PTPRM: variants seen among roughly 807,000 people sequenced by gnomAD.
The protein encoded by PTPRM is protein tyrosine phosphatase receptor type M.
Under a neutral mutation model 186.7 loss-of-function variants are expected in PTPRM, and 47 were observed. That is an observed-to-expected ratio of 0.25 (90% CI 0.20 to 0.32). The LOEUF (loss-of-function observed/expected upper bound fraction) is 0.32. Ranked by LOEUF, PTPRM falls within the 10% of genes least tolerant of loss-of-function variation. The probability of loss-of-function intolerance (pLI) is 1.00; values close to 1 mark genes in which losing one functional copy is unlikely to be tolerated. For synonymous variants in PTPRM, 668 were observed against 674.9 expected, an observed-to-expected ratio of 0.99 and a Z score of 0.16; for missense variants, 1,494 against 1,865.0, an observed-to-expected ratio of 0.80 and a Z score of 3.66.
intron 22 of PTPRM, among the ~76,000 whole-genome samples, chr18:8,329,411 G>A (rs144947578): frequency 4.2e-4 from 64 of 152,280 alleles, no homozygotes; most frequent in African/African-American, 1.5e-3. Context: ...TAGGAGAAAC[G>A]TCATATGTTA....
intron 1 of PTPRM, among the ~76,000 whole-genome samples, chr18:7,748,144 C>T (rs913497771): frequency 2.6e-5 from 4 of 152,226 alleles, no homozygotes; most frequent in African/African-American, 4.8e-5. Flanking sequence ...TAGACCAGAA[C>T]TGTCCAGGAG....
intron 9 of PTPRM, among the ~76,000 whole-genome samples, chr18:8,079,450 G>T (rs571073560): frequency 6.6e-6 from 1 of 152,216 alleles, no homozygotes; most frequent in Non-Finnish European, 1.5e-5. Flanking sequence ...CCTTGCTTCC[G>T]AATTTTACTT....
chr18:7,821,196 G>A (rs559937108), intron 2 of PTPRM, among the ~76,000 whole-genome samples: 1 of 152,196 alleles, frequency 6.6e-6, no homozygotes, highest in African/African-American at 2.4e-5. Context: ...TCCCATAATA[G>A]TCTACCATGG....
At chr18:8,390,703 T>C (rs974193424) in intron 31 of PTPRM, among the ~76,000 whole-genome samples, 76 of 151,556 alleles carry the variant, frequency 5.0e-4, no homozygotes, top group Non-Finnish European at 9.9e-4. Context: ...CTGAGGCGGG[T>C]GGATCACGAG....
In PTPRM at chr18:8,379,290, A is replaced by G; in HGVS notation, c.3736A>G (p.Ile1246Val). ...CCCAGACCGCTGCCTGCCCTTCCTCATCACCATCGATGGGGAGAGCAGCAA... is the reference window on the plus strand; with the variant it reads ...CCCAGACCGCTGCCTGCCCTTCCTCGTCACCATCGATGGGGAGAGCAGCAA... ...LPPDRCLPFL[I>V]TIDGESSNYI... Residue 1246 changes from isoleucine to valine, a missense_variant, in exon 28 of 33, where the codon ATC becomes GTC. By Grantham distance (29) the Ile-to-Val change is conservative. Coordinates refer to ENST00000580170, the MANE Select transcript of PTPRM (RefSeq NM_001105244.2). 1 of 1,613,996 alleles carries G rather than the reference A, an allele frequency of 6.2e-7. No individual in the cohort carries two copies. Among genetic ancestry groups the G allele is most frequent in the Non-Finnish European group, 8.5e-7 (1 of 1,179,980 alleles).
intron 11 of PTPRM, among the ~76,000 whole-genome samples, chr18:8,112,709 C>T (rs1189621092): frequency 1.3e-5 from 2 of 152,160 alleles, no homozygotes; most frequent in Non-Finnish European, 2.9e-5. Context: ...TGCCATTCTC[C>T]TGAGGTTACT....
rs1325290544 is a variant in PTPRM, at chr18:7,667,556, T to G, written c.73+99665T>G. 2.6e-5 allele frequency among the ~76,000 whole-genome samples: 4 copies of G among 152,244 alleles called. No individual in the cohort carries two copies. The East Asian group carries it at 7.7e-4, about 29-fold the overall frequency. ...GGTTTTACATTTCTTAAAAGCTAAA[T>G]TGAGTTAAGGATCAGTGTGCGTAAT... On this transcript the variant is annotated intron_variant, in intron 1 of 32. Coordinates refer to ENST00000580170, the MANE Select transcript of PTPRM (RefSeq NM_001105244.2).
At chr18:8,344,444 GTGTGTATA>G (rs753626412) in intron 23 of PTPRM, among the ~76,000 whole-genome samples, 172 of 129,432 alleles carry the variant, frequency 1.3e-3, no homozygotes, top group African/African-American at 2.0e-3. Flanking sequence ...GTGTGTGTGT[GTGTGTATA>G]TATATATATA....
intron 1 of PTPRM, among the ~76,000 whole-genome samples, chr18:7,614,004 G>T (rs971634708): frequency 1.3e-5 from 2 of 152,138 alleles, no homozygotes; most frequent in Non-Finnish European, 1.5e-5. Flanking sequence ...ATGACTTAGT[G>T]GGGGGATTGC....
intron 2 of PTPRM, among the ~76,000 whole-genome samples, chr18:7,828,949 C>CT (rs1173536436): frequency 6.6e-6 from 1 of 152,178 alleles, no homozygotes; most frequent in Non-Finnish European, 1.5e-5. Flanking sequence ...TTCTCTCTCT[C>CT]TTTTTTGTTT....
Position 7,955,507 on chromosome 18 carries a change from C to A in PTPRM, c.1132+93C>A, listed in dbSNP as rs1396929859. On this transcript the variant is annotated intron_variant, in intron 7 of 32. Transcript: ENST00000580170. ...TGATCAGATGCCTAGCACGCTTCCC[C>A]TAGCTCTATCAAAACCTGCATATGA... 4 of 1,417,390 alleles carry A rather than the reference C, an allele frequency of 2.8e-6. No individual in the cohort carries two copies. In the African/African-American group the frequency reaches 4.3e-5, roughly 15 times the overall value. The allele number at this position is 1,417,390 out of a possible 1,614,324, so 87.8% of individuals were successfully genotyped here.
chr18:7,721,408 C>G (rs2040445195), intron 1 of PTPRM, among the ~76,000 whole-genome samples: 1 of 152,024 alleles, frequency 6.6e-6, no homozygotes, highest in Non-Finnish European at 1.5e-5. Context: ...TATTTTCTCT[C>G]ATTCTATGGG....
At chr18:8,240,465 G>GA in intron 14 of PTPRM, among the ~76,000 whole-genome samples, 1 of 69,402 alleles carries the variant, frequency 1.4e-5, no homozygotes, top group African/African-American at 6.7e-5. Context: ...GAGAGAGAGA[G>GA]GGAGGGAGGG....
At chr18:8,115,292 C>G (rs763186237) in intron 13 of PTPRM, among the ~76,000 whole-genome samples, 3 of 152,090 alleles carry the variant, frequency 2.0e-5, no homozygotes, top group Non-Finnish European at 4.4e-5. Flanking sequence ...TGGTGCGTGT[C>G]TCTCTGAACC....
intron 32 of PTPRM, among the ~76,000 whole-genome samples, chr18:8,400,100 C>CTGTG (rs1435112330): frequency 6.6e-6 from 1 of 152,176 alleles, no homozygotes; most frequent in Non-Finnish European, 1.5e-5. Flanking sequence ...AGCTCAATCA[C>CTGTG]TGTGTGTGTG....
At chr18:8,295,158 G>A (rs1170623698) in intron 19 of PTPRM, among the ~76,000 whole-genome samples, 1 of 152,134 alleles carries the variant, frequency 6.6e-6, no homozygotes, top group African/African-American at 2.4e-5. Flanking sequence ...AGAATACTAT[G>A]CAGCACACAG....
rs1318000928 is a variant in PTPRM, at chr18:7,787,017, A to G, written c.196+12746A>G. On this transcript the variant is annotated intron_variant, in intron 2 of 32. Coordinates refer to ENST00000580170, the MANE Select transcript of PTPRM (RefSeq NM_001105244.2). ...TTGCTCTTATAAAAAGGTGTTGGAC[A>G]TTTGTTGATGGCACAAATTATTACA... Among the ~76,000 whole-genome samples, 3 of 152,356 alleles carry G rather than the reference A, an allele frequency of 2.0e-5. No individual in the cohort carries two copies. In the East Asian group the frequency reaches 5.8e-4, roughly 29 times the overall value.
At chr18:7,781,784 A>G (rs1338150889) in intron 2 of PTPRM, among the ~76,000 whole-genome samples, 2 of 152,164 alleles carry the variant, frequency 1.3e-5, no homozygotes, top group African/African-American at 2.4e-5. Flanking sequence ...AATGTTTGGG[A>G]GGTGGGCATT....
At chr18:7,814,358 C>T (rs886884374) in intron 2 of PTPRM, 8 of 152,136 alleles carry the variant, frequency 5.3e-5, no homozygotes, top group African/African-American at 1.9e-4. Flanking sequence ...GCTTAGGGCT[C>T]AGGGTAAAAT....
Sources: gnomAD v4.1 joint callset for allele counts (sites outside exome capture counted in the v4.1 genomes callset) on GRCh38, gnomAD v4.1.1 for gene constraint, MANE v1.5 for transcripts, NCBI Gene and HGNC (gene_info 2026-07-23, HGNC 2026-07-21) for gene names.